Variants in PHGDH observed in about 807,000 individuals in gnomAD.
The protein encoded by PHGDH is D-3-phosphoglycerate dehydrogenase.
In PHGDH, 50 loss-of-function variants were observed where a neutral mutation model predicts 52.6. The observed-to-expected ratio is 0.95, with a 90% confidence interval of 0.76 to 1.20. The LOEUF (loss-of-function observed/expected upper bound fraction) is 1.20. PHGDH is among the 50% of genes most tolerant of loss of function. The pLI, the probability that PHGDH is intolerant of heterozygous loss-of-function variation, is 0.00. For missense variants in PHGDH, 630 were observed against 684.6 expected, an observed-to-expected ratio of 0.92 and a Z score of 0.89; for synonymous variants, 271 against 280.5, an observed-to-expected ratio of 0.97 and a Z score of 0.34.
At chr1:119,712,903 C>T (rs1650763536) in intron 1 of PHGDH, among the ~76,000 whole-genome samples, 1 of 152,268 alleles carries the variant, frequency 6.6e-6, no homozygotes, top group Non-Finnish European at 1.5e-5. Flanking sequence ...GCCTCCTCCC[C>T]ACCTTTGGTT....
rs768186704 is a variant in PHGDH, at chr1:119,740,570, G to C, written c.1078+52G>C. Reference sequence around the variant, plus strand: ...GGGGAGGAGGGGATGAGGGAGTGTGGGATCTGCCCTGCTGGGTGTATTTGC... The same window carrying C: ...GGGGAGGAGGGGATGAGGGAGTGTGCGATCTGCCCTGCTGGGTGTATTTGC... On this transcript the variant is annotated intron_variant, in intron 9 of 11. Coordinates refer to ENST00000641023, the MANE Select transcript of PHGDH (RefSeq NM_006623.4). The C allele has an allele frequency of 2.7e-6, 4 of 1,462,548 alleles. 1 individual carries two copies. In the South Asian group the frequency reaches 4.9e-5, roughly 18 times the overall value. 90.6% of individuals were successfully genotyped at this position (1,462,548 alleles called of 1,614,324 possible). A position where few individuals can be genotyped will look rare whatever the true frequency, so the allele number is the denominator to read the frequency against.
At chr1:119,724,282 G>C (rs1291404073) in intron 3 of PHGDH, 1 of 169,654 alleles carries the variant, frequency 5.9e-6, no homozygotes, top group Non-Finnish European at 1.3e-5. Context: ...TAAACCAGCG[G>C]ACCTAGGCAT....
chr1:119,719,312 A>G (rs1233782156), intron 1 of PHGDH, among the ~76,000 whole-genome samples: 1 of 152,214 alleles, frequency 6.6e-6, no homozygotes, highest in Non-Finnish European at 1.5e-5. Flanking sequence ...AAAATGAAGG[A>G]AGAAAAGTAC....
intron 7 of PHGDH, among the ~76,000 whole-genome samples, chr1:119,736,153 C>CCT (rs1047883778): frequency 6.6e-6 from 1 of 152,172 alleles, no homozygotes; most frequent in Non-Finnish European, 1.5e-5. Context: ...GGTCACTGGC[C>CCT]CTCTCTGAGC....
intron 1 of PHGDH, among the ~76,000 whole-genome samples, chr1:119,716,386 G>A (rs773872586): frequency 6.6e-6 from 1 of 152,202 alleles, no homozygotes; most frequent in Non-Finnish European, 1.5e-5. Flanking sequence ...GCTCATGAAA[G>A]AAACAATAGT....
chr1:119,716,265 G>A (rs1650930660), intron 1 of PHGDH, among the ~76,000 whole-genome samples: 1 of 152,168 alleles, frequency 6.6e-6, no homozygotes, highest in African/African-American at 2.4e-5. Context: ...ATCTGTAGGA[G>A]TCTGACTGGG....
intron 1 of PHGDH, among the ~76,000 whole-genome samples, chr1:119,718,210 G>A (rs1033576226): frequency 6.6e-6 from 1 of 152,218 alleles, no homozygotes; most frequent in Admixed American, 6.5e-5. Context: ...TCTAAATGCT[G>A]TATTTGGAAG....
rs767639240 is a variant in PHGDH, at chr1:119,726,863, G to A, written c.369G>A (p.Gln123=). The A allele has an allele frequency of 1.2e-6, 2 of 1,614,160 alleles. No homozygotes were observed. The highest frequency in any genetic ancestry group is 1.1e-5 in the South Asian group (1 of 91,084). The change falls in exon 4 of 12, where the codon CAG becomes CAA. Residue 123 remains glutamine (Q), a synonymous_variant. Transcript: ENST00000641023. ...MIMCLARQIP[Q]ATASMKDGKW... is the part of the protein sequence containing the mutation. ...TCTATCCTTGCAGGCAGATTCCCCA[G>A]GCGACGGCTTCGATGAAGGACGGCA...
intron 2 of PHGDH, among the ~76,000 whole-genome samples, chr1:119,722,389 C>G (rs373486759): frequency 2.6e-5 from 4 of 152,160 alleles, no homozygotes; most frequent in Middle Eastern, 3.4e-3. Flanking sequence ...AGGGTGAACA[C>G]GTATATGAAA....
rs1287556864 is a variant in PHGDH at position 119,727,076 on chromosome 1, AC to A, written c.487del (p.Arg163GlyfsTer7). 6.2e-7 allele frequency: 1 copy of A among 1,606,664 alleles called. No individual in the cohort carries two copies. The highest frequency in any genetic ancestry group is 8.5e-7 in the Non-Finnish European group (1 of 1,173,198). On this transcript the variant is annotated frameshift_variant, in exon 5 of 12. Coordinates refer to ENST00000641023, the MANE Select transcript of PHGDH (RefSeq NM_006623.4). LOFTEE classifies it high-confidence loss of function. ...GLGRIGREVATRMQSFGMKTI... is the reference protein window; with the variant it reads ...GLGRIGREVAXRMQSFGMKTI... ...GGGCAGGATTGGGAGAGAGGTAGCT[AC>A]CCGGATGCAGTCCTTTGGGATGAAG...
intron 6 of PHGDH, 40 bp from the exon 7 acceptor site, chr1:119,735,255 T>C (rs745558005): frequency 6.2e-7 from 1 of 1,613,620 alleles, no homozygotes; most frequent in South Asian, 1.1e-5. Context: ...GTGGGGATCC[T>C]GGTGCTGCCC....
At chr1:119,737,313 G>T (rs763501437) in intron 8 of PHGDH, 47 bp downstream of exon 8, 10 of 1,548,036 alleles carry the variant, frequency 6.5e-6, no homozygotes, top group Non-Finnish European at 8.9e-6. Flanking sequence ...AGAGGGAGGA[G>T]AGGAAGGAAG....
chr1:119,711,983 C>T lies in PHGDH; in HGVS notation c.-40C>T. 6.2e-7 allele frequency: 1 copy of T among 1,612,522 alleles called. No homozygotes were observed. ...GAACCGCAGCTTCTTGGCTTAGGTACTTCTACTCACAGCGGCCGATTCCGA... is the reference window on the plus strand; with the variant it reads ...GAACCGCAGCTTCTTGGCTTAGGTATTTCTACTCACAGCGGCCGATTCCGA... On this transcript the variant is annotated 5_prime_UTR_variant, in exon 1 of 12. Coordinates refer to ENST00000641023, the MANE Select transcript of PHGDH (RefSeq NM_006623.4).
At chr1:119,716,478 G>A (rs974002148) in intron 1 of PHGDH, among the ~76,000 whole-genome samples, 2 of 152,180 alleles carry the variant, frequency 1.3e-5, no homozygotes, top group African/African-American at 4.8e-5. Flanking sequence ...TGTTGCCTGT[G>A]GGGAGCAGGT....
At chr1:119,721,094 TA>T (rs1188621631) in intron 1 of PHGDH, 75 bp from the exon 2 acceptor site, 1 of 1,361,438 alleles carries the variant, frequency 7.3e-7, no homozygotes, top group Non-Finnish European at 1.1e-6. Context: ...TACTCAGGAG[TA>T]AGCAATGATG....
Position 119,735,394 on chromosome 1 carries a change from C to T in PHGDH, c.743C>T (p.Ala248Val), listed in dbSNP as rs201782441. The change falls in exon 7 of 12, where the codon GCC becomes GTC. Residue 248 changes from alanine to valine, a missense_variant. Coordinates refer to ENST00000641023, the MANE Select transcript of PHGDH (RefSeq NM_006623.4). ...GIVDEGALLRALQSGQCAGAA... is the reference protein window; with the variant it reads ...GIVDEGALLRVLQSGQCAGAA... ...GTGGACGAAGGCGCCCTGCTCCGGG[C>T]CCTGCAGTCTGGCCAGTGTGCCGGG... 384 of 1,614,098 alleles carry T rather than the reference C, an allele frequency of 2.4e-4. 2 individuals are homozygous for T. In the East Asian group the frequency reaches 4.1e-3, roughly 17 times the overall value.
At chr1:119,726,762 G>T in intron 3 of PHGDH, 89 bp from the exon 4 acceptor site, 1 of 1,012,368 alleles carries the variant, frequency 9.9e-7, no homozygotes, top group Non-Finnish European at 1.6e-6. Context: ...GCTGTCATGG[G>T]CAGTGACTGT....
In PHGDH at chr1:119,743,878, A is replaced by G. The variant is rs1652325929; in HGVS notation, c.1448-8A>G. ...CCTGTGCCAACCAGGAGTTTCTTCT[A>G]TTTCCAGGCCTCCTGGCAGAGGCAG... On this transcript the variant is annotated splice_region_variant and splice_polypyrimidine_tract_variant and intron_variant, in intron 11 of 11. Coordinates refer to ENST00000641023, the MANE Select transcript of PHGDH (RefSeq NM_006623.4). 7.4e-6 allele frequency: 12 copies of G among 1,612,660 alleles called. No individual in the cohort carries two copies. Among genetic ancestry groups the G allele is most frequent in the East Asian group, 2.2e-5 (1 of 44,878 alleles).
chr1:119,721,474 A>G (rs1651164447), intron 2 of PHGDH, 153 bp downstream of exon 2: 1 of 695,976 alleles, frequency 1.4e-6, no homozygotes, highest in East Asian at 2.7e-5. Flanking sequence ...TGGTCAACAC[A>G]CACAGCATAG....
Sources: gnomAD v4.1 joint callset for allele counts (sites outside exome capture counted in the v4.1 genomes callset) on GRCh38, gnomAD v4.1.1 for gene constraint, MANE v1.5 for transcripts, NCBI Gene and HGNC (gene_info 2026-07-23, HGNC 2026-07-21) for gene names.